CCSER2: variants seen among roughly 807,000 people sequenced by gnomAD.
The protein encoded by CCSER2 is serine-rich coiled-coil domain-containing protein 2.
Under a neutral mutation model 92.3 loss-of-function variants are expected in CCSER2, and 46 were observed. The ratio of observed to expected loss-of-function variants is 0.50; its 90% CI spans 0.39 to 0.64. The LOEUF (loss-of-function observed/expected upper bound fraction) is 0.64, where lower values mean the gene tolerates loss of function less well. Among genes scored for constraint, CCSER2 ranks in the 30% least tolerant of loss-of-function variants. The pLI, the probability that CCSER2 is intolerant of heterozygous loss-of-function variation, is 0.00. For missense variants in CCSER2, 1,244 were observed against 1,238.9 expected (o/e 1.00, Z -0.06); for synonymous variants, 433 against 431.4 (o/e 1.00, Z -0.04).
At chr10:84,411,142 T>C (rs1403795482) in intron 3 of CCSER2, among the ~76,000 whole-genome samples, 3 of 152,142 alleles carry the variant, frequency 2.0e-5, no homozygotes, top group African/African-American at 7.2e-5. Context: ...CTTATACCAG[T>C]ACTGTGCTGT....
chr10:84,486,020 T>A (rs1847788015), intron 9 of CCSER2, among the ~76,000 whole-genome samples: 1 of 152,230 alleles, frequency 6.6e-6, no homozygotes, highest in African/African-American at 2.4e-5. Flanking sequence ...TGCGATAGTT[T>A]GCTGAGAATG....
chr10:84,420,430 G>T (rs1843082382), intron 4 of CCSER2, among the ~76,000 whole-genome samples: 1 of 152,160 alleles, frequency 6.6e-6, no homozygotes, highest in African/African-American at 2.4e-5. Context: ...TAGTATCTAG[G>T]TTTGGTACTA....
intron 1 of CCSER2, among the ~76,000 whole-genome samples, chr10:84,332,436 A>ATATATATATATATTTTTTTT (rs1401635246): frequency 1.8e-5 from 1 of 55,212 alleles, no homozygotes; most frequent in Non-Finnish European, 2.7e-5. Context: ...ATATATATAT[A>ATATATATATATATTTTTTTT]TTTTTTTTTT....
intron 9 of CCSER2, among the ~76,000 whole-genome samples, chr10:84,481,189 T>C (rs536520199): frequency 1.2e-3 from 184 of 152,282 alleles, no homozygotes; most frequent in African/African-American, 4.4e-3. Context: ...GGTTACCCCT[T>C]GTGCCCCACA....
intron 6 of CCSER2, among the ~76,000 whole-genome samples, chr10:84,454,203 A>G (rs972951468): frequency 6.6e-6 from 1 of 152,206 alleles, no homozygotes; most frequent in Non-Finnish European, 1.5e-5. Flanking sequence ...CTTGATTTGT[A>G]GATGCATCTC....
rs1263413522 is a variant in CCSER2 at position 84,458,376 on chromosome 10, CTT to C, written c.2065-5554_2065-5553del. Among the ~76,000 whole-genome samples the C allele has an allele frequency of 7.2e-5, 11 of 152,228 alleles. No individual in the cohort carries two copies. The East Asian group carries it at 1.4e-3, about 19-fold the overall frequency. On this transcript the variant is annotated intron_variant, in intron 6 of 9. Coordinates refer to ENST00000372088, the MANE Select transcript of CCSER2 (RefSeq NM_001284240.2). ...AAATGTGTGGGTCTGTTTCTGGACT[CTT>C]TTCTTTCCATTGATGTATGTTTATC...
intron 5 of CCSER2, among the ~76,000 whole-genome samples, chr10:84,430,618 C>A (rs1236320231): frequency 6.6e-6 from 1 of 152,110 alleles, no homozygotes; most frequent in Non-Finnish European, 1.5e-5. Flanking sequence ...CATTTTGTCC[C>A]CCAATCTCTA....
chr10:84,417,725 C>A, intron 3 of CCSER2, 46 bp from the exon 4 acceptor site: 1 of 898,120 alleles, frequency 1.1e-6, no homozygotes, highest in Admixed American at 1.7e-5. Context: ...GTTGACATAT[C>A]CTTAGAGCTA....
intron 1 of CCSER2, among the ~76,000 whole-genome samples, chr10:84,331,287 T>C (rs1466030593): frequency 6.6e-6 from 1 of 152,156 alleles, no homozygotes; most frequent in African/African-American, 2.4e-5. Context: ...GCAAATCTGC[T>C]TGCACTTTCT....
At chr10:84,478,536 T>G (rs562787496) in intron 9 of CCSER2, among the ~76,000 whole-genome samples, 2 of 152,344 alleles carry the variant, frequency 1.3e-5, no homozygotes, top group East Asian at 1.9e-4. Flanking sequence ...AAAAGAGTTT[T>G]GTTTCTTTTC....
intron 1 of CCSER2, among the ~76,000 whole-genome samples, chr10:84,367,361 G>A (rs188409403): frequency 1.4e-5 from 2 of 147,510 alleles, no homozygotes; most frequent in African/African-American, 4.9e-5. Flanking sequence ...CAATATCTTT[G>A]TCTTTTTTTT....
At chr10:84,358,122 A>G (rs188897178) in intron 1 of CCSER2, among the ~76,000 whole-genome samples, 2 of 152,306 alleles carry the variant, frequency 1.3e-5, no homozygotes, top group Admixed American at 6.5e-5. Flanking sequence ...GAAATAGGAC[A>G]TTTTGGGTGA....
chr10:84,454,101 T>A (rs781192099), intron 6 of CCSER2, among the ~76,000 whole-genome samples: 9 of 152,190 alleles, frequency 5.9e-5, no homozygotes, highest in Non-Finnish European at 1.3e-4. Context: ...AACCAAGGCG[T>A]TGTCATCAGG....
At chr10:84,404,584 C>T (rs17103434) in intron 3 of CCSER2, among the ~76,000 whole-genome samples, 8,993 of 152,090 alleles carry the variant, frequency 0.059, 376 homozygotes, top group Admixed American at 0.1. Flanking sequence ...CATGTTTGTC[C>T]GATTAGCTAG....
At chr10:84,497,580 C>T (rs1848519677) in intron 9 of CCSER2, among the ~76,000 whole-genome samples, 1 of 152,182 alleles carries the variant, frequency 6.6e-6, no homozygotes, top group Non-Finnish European at 1.5e-5. Flanking sequence ...ACAGATGCTA[C>T]AGCTGCATCT....
rs1301443392 is a variant in CCSER2 at position 84,356,714 on chromosome 10, G to A, written c.-39-14300G>A. Among the ~76,000 whole-genome samples the A allele has an allele frequency of 3.3e-5, 5 of 152,008 alleles. No individual in the cohort carries two copies. The East Asian group carries it at 9.7e-4, about 29-fold the overall frequency. On this transcript the variant is annotated intron_variant, in intron 1 of 9. Transcript: ENST00000372088. Reference sequence around the variant, plus strand: ...GTAACCCAATATAGTTTGTGGAGAGGTGGAAAAAAATCAATATCATGCATT... The same window carrying A: ...GTAACCCAATATAGTTTGTGGAGAGATGGAAAAAAATCAATATCATGCATT...
At chr10:84,474,969 G>A (rs1417880125) in intron 8 of CCSER2, among the ~76,000 whole-genome samples, 1 of 152,182 alleles carries the variant, frequency 6.6e-6, no homozygotes, top group Non-Finnish European at 1.5e-5. Context: ...TGATTGATTA[G>A]GTTCCAGATC....
At chr10:84,433,788 TTGA>T (rs760863660) in intron 5 of CCSER2, among the ~76,000 whole-genome samples, 1 of 152,198 alleles carries the variant, frequency 6.6e-6, no homozygotes, top group Non-Finnish European at 1.5e-5. Context: ...TTTTATCTTG[TTGA>T]TTTTATTGGC....
intron 3 of CCSER2, chr10:84,394,077 A>G (rs1841681857): frequency 6.6e-6 from 1 of 152,238 alleles, no homozygotes; most frequent in South Asian, 2.1e-4. Flanking sequence ...TTAGGTGTGA[A>G]GAAAAGTTTA....
Sources: gnomAD v4.1 joint callset for allele counts (sites outside exome capture counted in the v4.1 genomes callset) on GRCh38, gnomAD v4.1.1 for gene constraint, MANE v1.5 for transcripts, NCBI Gene and HGNC (gene_info 2026-07-23, HGNC 2026-07-21) for gene names.